The following IQCM variants were observed in gnomAD, a reference collection of about 807,000 sequenced individuals.
The protein encoded by IQCM is IQ motif containing M, also known as IQ domain-containing protein M.
IQCM carries 45 observed loss-of-function variants against 57.6 expected under a neutral mutation model. The ratio of observed to expected loss-of-function variants is 0.78; its 90% CI spans 0.62 to 1.00. The LOEUF is 1.00. Ranked by LOEUF, IQCM falls within the 50% of genes least tolerant of loss-of-function variation. IQCM has a pLI of 0.00. For missense variants in IQCM, 468 were observed against 511.6 expected (o/e 0.91, Z 0.82); for synonymous variants, 148 against 158.9 (o/e 0.93, Z 0.51).
intron 13 of IQCM, among the ~76,000 whole-genome samples, chr4:149,361,350 C>T (rs997053511): frequency 1.3e-5 from 2 of 152,142 alleles, no homozygotes; most frequent in African/African-American, 4.8e-5. Flanking sequence ...CAGAAATTTG[C>T]ATGAGTAGCA....
intron 12 of IQCM, among the ~76,000 whole-genome samples, chr4:149,479,000 A>T (rs1412362261): frequency 6.6e-6 from 1 of 152,054 alleles, no homozygotes; most frequent in African/African-American, 2.4e-5. Context: ...ATATTAGTTG[A>T]TGATGATTAG....
At chr4:149,613,129 C>T (rs959126929) in intron 8 of IQCM, among the ~76,000 whole-genome samples, 12 of 151,906 alleles carry the variant, frequency 7.9e-5, no homozygotes, top group Non-Finnish European at 1.6e-4. Flanking sequence ...AGATAACCAT[C>T]TTTTATCAAA....
intron 7 of IQCM, among the ~76,000 whole-genome samples, chr4:149,669,633 C>T (rs1213425372): frequency 6.6e-6 from 1 of 152,004 alleles, no homozygotes; most frequent in African/African-American, 2.4e-5. Context: ...GTCTTTAATC[C>T]ATCTTGAATT....
chr4:149,588,453 A>T (rs776093010), intron 8 of IQCM, among the ~76,000 whole-genome samples: 6 of 151,880 alleles, frequency 4.0e-5, no homozygotes, highest in Non-Finnish European at 8.8e-5. Flanking sequence ...AAACCTAACT[A>T]TTGAGGTGTT....
intron 12 of IQCM, among the ~76,000 whole-genome samples, chr4:149,504,961 C>G (rs1273111228): frequency 6.6e-6 from 1 of 151,928 alleles, no homozygotes; most frequent in African/African-American, 2.4e-5. Flanking sequence ...GTCTATGAAC[C>G]AGGAGGCAGG....
chr4:149,626,513 T>C (rs533687886), intron 7 of IQCM, among the ~76,000 whole-genome samples: 175 of 151,572 alleles, frequency 1.2e-3, no homozygotes, highest in Non-Finnish European at 2.2e-3. Context: ...AGAAAATGTA[T>C]GGGAACTTCA....
At chr4:149,436,458 G>C (rs1735375273) in intron 12 of IQCM, among the ~76,000 whole-genome samples, 1 of 152,056 alleles carries the variant, frequency 6.6e-6, no homozygotes, top group Non-Finnish European at 1.5e-5. Context: ...CATATCGAAG[G>C]TTTGTAGCTT....
chr4:149,805,208 T>C (rs1773960919), intron 2 of IQCM, among the ~76,000 whole-genome samples: 1 of 152,112 alleles, frequency 6.6e-6, no homozygotes, highest in Admixed American at 6.6e-5. Flanking sequence ...ACTCTTGCTA[T>C]GTAGTTTTTA....
At chr4:149,765,754 C>A (rs954486431) in intron 2 of IQCM, among the ~76,000 whole-genome samples, 2 of 152,060 alleles carry the variant, frequency 1.3e-5, no homozygotes, top group African/African-American at 4.8e-5. Context: ...TTTGTGACTT[C>A]CCCATTTGCT....
At chr4:149,743,681 T>C (rs1767668236) in intron 2 of IQCM, among the ~76,000 whole-genome samples, 2 of 152,198 alleles carry the variant, frequency 1.3e-5, no homozygotes, top group African/African-American at 4.8e-5. Context: ...GTCTGCCTTG[T>C]GCCTCATCCT....
chr4:149,661,640 G>C (rs1163678460), intron 7 of IQCM, among the ~76,000 whole-genome samples: 1 of 151,976 alleles, frequency 6.6e-6, no homozygotes, highest in Non-Finnish European at 1.5e-5. Context: ...CTCACCCTTG[G>C]TCTGTTTAGA....
chr4:149,480,178 T>C (rs1740629743), intron 12 of IQCM, among the ~76,000 whole-genome samples: 1 of 152,198 alleles, frequency 6.6e-6, no homozygotes, highest in Admixed American at 6.5e-5. Context: ...TTTTTTTCTT[T>C]TTAATTTTTG....
chr4:149,715,951 G>T (rs955536712), intron 5 of IQCM, among the ~76,000 whole-genome samples: 2 of 152,190 alleles, frequency 1.3e-5, no homozygotes, highest in African/African-American at 4.8e-5. Context: ...GGGAGAAAGT[G>T]CTTACTGATT....
At chr4:149,634,079 G>A (rs897007432) in intron 7 of IQCM, among the ~76,000 whole-genome samples, 6 of 151,568 alleles carry the variant, frequency 4.0e-5, no homozygotes, top group Admixed American at 3.3e-4. Flanking sequence ...GCATGATCTC[G>A]GCTCACTGCA....
At chr4:149,640,922 G>A (rs1027225442) in intron 7 of IQCM, among the ~76,000 whole-genome samples, 6 of 152,140 alleles carry the variant, frequency 3.9e-5, no homozygotes, top group Admixed American at 1.3e-4. Context: ...CTAAGGTCAG[G>A]AGTTCAAGAC....
At chr4:149,379,051 T>C (rs978065464) in intron 13 of IQCM, among the ~76,000 whole-genome samples, 1 of 152,214 alleles carries the variant, frequency 6.6e-6, no homozygotes, top group African/African-American at 2.4e-5. Context: ...GCTTGGCAGC[T>C]TCCATGTGGT....
chr4:149,502,487 G>A (rs1047519137), intron 12 of IQCM, among the ~76,000 whole-genome samples: 1 of 152,060 alleles, frequency 6.6e-6, no homozygotes, highest in Non-Finnish European at 1.5e-5. Flanking sequence ...GAGAAACAGA[G>A]GGAGACCCTG....
At chr4:149,603,766 G>A (rs1252390971) in intron 8 of IQCM, among the ~76,000 whole-genome samples, 5 of 151,844 alleles carry the variant, frequency 3.3e-5, no homozygotes, top group African/African-American at 4.8e-5. Context: ...AGGACTGTAT[G>A]AGTCTTTGTT....
rs1763813136 is a variant in IQCM, at chr4:149,702,076, A to G, written c.386-15608T>C. Among the ~76,000 whole-genome samples the G allele has an allele frequency of 1.3e-5, 2 of 151,948 alleles. 1 individual carries two copies. Among genetic ancestry groups the G allele is most frequent in the South Asian group, 4.1e-4 (2 of 4,828 alleles). The stretch of plus-strand genomic sequence containing the variant: ...AATTTTTATGTATGTATCTCAATGC[A>G]TGTTTCAGCTTAATGTGTTAAAGTC... On this transcript the variant is annotated intron_variant, in intron 5 of 13. Transcript: ENST00000636793.
Sources: gnomAD v4.1 joint callset for allele counts (sites outside exome capture counted in the v4.1 genomes callset) on GRCh38, gnomAD v4.1.1 for gene constraint, MANE v1.5 for transcripts, NCBI Gene and HGNC (gene_info 2026-07-23, HGNC 2026-07-21) for gene names.